PPEF2: variants seen among roughly 807,000 people sequenced by gnomAD.
The protein encoded by PPEF2 is protein phosphatase with EF-hand domain 2.
In PPEF2, 84 loss-of-function variants were observed where a neutral mutation model predicts 84.7. That is an observed-to-expected ratio of 0.99 (90% CI 0.83 to 1.19). PPEF2 has a LOEUF of 1.19. Among genes scored for constraint, PPEF2 ranks in the 50% most tolerant of loss-of-function variants. The pLI, the probability that PPEF2 is intolerant of heterozygous loss-of-function variation, is 0.00. For missense variants in PPEF2, 924 were observed against 937.5 expected (o/e 0.99, Z 0.19); for synonymous variants, 346 against 345.2 (o/e 1.00, Z -0.03).
chr4:75,877,111 G>A (rs1423950698), intron 10 of PPEF2, among the ~76,000 whole-genome samples: 2 of 151,862 alleles, frequency 1.3e-5, no homozygotes, highest in African/African-American at 2.4e-5. Context: ...GAGGCAGGCT[G>A]ATCACCTGCC....
chr4:75,874,997 G>A (rs1438240197), intron 11 of PPEF2, among the ~76,000 whole-genome samples: 1 of 151,680 alleles, frequency 6.6e-6, no homozygotes, highest in Non-Finnish European at 1.5e-5. Flanking sequence ...TGCCTCCTGG[G>A]TGCGTGACAT....
rs766820622 is a variant in PPEF2, at chr4:75,883,104, A to G, written c.784-29T>C. On this transcript the variant is annotated intron_variant, in intron 9 of 16. Transcript: ENST00000286719. Reference sequence around the variant, plus strand: ...GAAAAAATGATATAAACAAAATGTTATCAAATAATTCACTCAACTTATCTG... The same window carrying G: ...GAAAAAATGATATAAACAAAATGTTGTCAAATAATTCACTCAACTTATCTG... 47 of 1,613,736 alleles carry G rather than the reference A, an allele frequency of 2.9e-5. No homozygotes were observed. In the East Asian group the frequency reaches 9.8e-4, roughly 34 times the overall value.
chr4:75,887,564 T>G (rs1446071285), intron 6 of PPEF2, among the ~76,000 whole-genome samples: 1 of 145,336 alleles, frequency 6.9e-6, no homozygotes, highest in South Asian at 2.1e-4. Context: ...GAGCTTGCAG[T>G]GAGCCGAGAT....
chr4:75,876,793 C>A, intron 10 of PPEF2, 120 bp from the exon 11 acceptor site: 1 of 1,134,820 alleles, frequency 8.8e-7, no homozygotes, highest in South Asian at 2.1e-5. Flanking sequence ...AACACTCAAG[C>A]CCGGGAGTTC....
At chr4:75,888,356 G>C in intron 5 of PPEF2, 28 bp from the exon 6 acceptor site, 72 of 1,505,136 alleles carry the variant, frequency 4.8e-5, no homozygotes, top group Non-Finnish European at 6.1e-5. Flanking sequence ...AGGGAAGGAA[G>C]AAAACAACAC....
intron 1 of PPEF2, among the ~76,000 whole-genome samples, chr4:75,900,066 G>T (rs540565215): frequency 6.6e-6 from 1 of 152,158 alleles, no homozygotes; most frequent in African/African-American, 2.4e-5. Flanking sequence ...CTCAATATAT[G>T]TTGATGGACT....
intron 1 of PPEF2, among the ~76,000 whole-genome samples, chr4:75,896,872 C>CTTT (rs1553909386): frequency 7.9e-4 from 118 of 149,018 alleles, no homozygotes; most frequent in East Asian, 4.5e-3. Flanking sequence ...ATAGGCCACA[C>CTTT]CTTTCTTTCT....
At chr4:75,889,363 G>A (rs536574996) in intron 5 of PPEF2, among the ~76,000 whole-genome samples, 16 of 152,196 alleles carry the variant, frequency 1.1e-4, no homozygotes, top group East Asian at 1.9e-4. Flanking sequence ...CCCGAGGTTC[G>A]TGAACAGTCC....
At chr4:75,885,385 C>T (rs576244938) in intron 7 of PPEF2, among the ~76,000 whole-genome samples, 13 of 152,232 alleles carry the variant, frequency 8.5e-5, no homozygotes, top group East Asian at 3.9e-4. Context: ...CTGGCCTCAA[C>T]GATCCTCCCA....
At chr4:75,876,760 C>G in intron 10 of PPEF2, 87 bp from the exon 11 acceptor site, 2 of 1,391,854 alleles carry the variant, frequency 1.4e-6, no homozygotes, top group Non-Finnish European at 9.6e-7. Context: ...AATCCTAGAA[C>G]TTTGGGAGAC....
At chr4:75,875,632 A>T (rs1055297192) in intron 11 of PPEF2, among the ~76,000 whole-genome samples, 1 of 152,000 alleles carries the variant, frequency 6.6e-6, no homozygotes, top group African/African-American at 2.4e-5. Flanking sequence ...ACAAAAACAA[A>T]ACAAGCTCAC....
intron 2 of PPEF2, among the ~76,000 whole-genome samples, chr4:75,893,505 C>CACAT (rs1553909175): frequency 4.6e-5 from 7 of 151,658 alleles, no homozygotes; most frequent in East Asian, 1.9e-4. Context: ...CACACACACA[C>CACAT]ACACTCACAC....
intron 13 of PPEF2, among the ~76,000 whole-genome samples, chr4:75,869,959 A>G (rs1724229586): frequency 6.6e-6 from 1 of 152,116 alleles, no homozygotes; most frequent in Non-Finnish European, 1.5e-5. Flanking sequence ...CTTTTTTCTA[A>G]GTTCTCCATT....
chr4:75,878,156 T>A (rs1436648368), intron 10 of PPEF2, among the ~76,000 whole-genome samples: 1 of 152,228 alleles, frequency 6.6e-6, no homozygotes, highest in East Asian at 1.9e-4. Context: ...AGGGAGCTCC[T>A]CTTTTCAGCC....
chr4:75,878,730 A>G (rs1268381439), intron 10 of PPEF2, among the ~76,000 whole-genome samples: 1 of 152,156 alleles, frequency 6.6e-6, no homozygotes, highest in South Asian at 2.1e-4. Context: ...CCTTGTTGGC[A>G]CACAGTGAGG....
At chr4:75,887,026 G>C (rs1408881144) in intron 6 of PPEF2, 128 bp from the exon 7 acceptor site, 2 of 488,760 alleles carry the variant, frequency 4.1e-6, no homozygotes, top group Non-Finnish European at 7.4e-6. Flanking sequence ...CCATATGTAA[G>C]ATAAGGATAA....
chr4:75,873,523 C>T (rs1724336024), intron 11 of PPEF2, among the ~76,000 whole-genome samples: 2 of 152,230 alleles, frequency 1.3e-5, no homozygotes, highest in African/African-American at 4.8e-5. Context: ...TGCGTGCCTA[C>T]ATATTTGTCG....
chr4:75,888,388 G>T (rs1257004745), intron 5 of PPEF2, 60 bp from the exon 6 acceptor site: 47 of 1,314,434 alleles, frequency 3.6e-5, no homozygotes, highest in Non-Finnish European at 4.8e-5. Context: ...AGGGAAAATG[G>T]TCCTTACCTT....
intron 7 of PPEF2, among the ~76,000 whole-genome samples, chr4:75,885,399 T>G (rs1578011337): frequency 1.3e-5 from 2 of 152,152 alleles, no homozygotes; most frequent in African/African-American, 4.8e-5. Context: ...CCTCCCACTT[T>G]AGCCTCCCAA....
Sources: gnomAD v4.1 joint callset for allele counts (sites outside exome capture counted in the v4.1 genomes callset) on GRCh38, gnomAD v4.1.1 for gene constraint, MANE v1.5 for transcripts, NCBI Gene and HGNC (gene_info 2026-07-23, HGNC 2026-07-21) for gene names.